The following MEI4 variants were observed in gnomAD, a reference collection of about 807,000 sequenced individuals.
MEI4 encodes meiotic double-stranded break formation protein 4.
Under a neutral mutation model 31.4 loss-of-function variants are expected in MEI4, and 27 were observed. That is an observed-to-expected ratio of 0.86 (90% CI 0.63 to 1.19). The LOEUF (loss-of-function observed/expected upper bound fraction) is 1.19, where lower values mean the gene tolerates loss of function less well. Among genes scored for constraint, MEI4 ranks in the 50% most tolerant of loss-of-function variants. The probability of loss-of-function intolerance (pLI) is 0.00; values close to 1 mark genes in which losing one functional copy is unlikely to be tolerated. For synonymous variants in MEI4, 122 were observed against 145.4 expected, an observed-to-expected ratio of 0.84 and a Z score of 1.16; for missense variants, 329 against 398.9, an observed-to-expected ratio of 0.82 and a Z score of 1.49.
At chr6:77,694,698 G>T (rs1205665566) in intron 2 of MEI4, among the ~76,000 whole-genome samples, 1 of 152,046 alleles carries the variant, frequency 6.6e-6, no homozygotes. Flanking sequence ...GTCTTTGCTA[G>T]TGTGACTAGT....
chr6:77,868,585 C>A (rs1357247994), intron 4 of MEI4, among the ~76,000 whole-genome samples: 2 of 140,276 alleles, frequency 1.4e-5, no homozygotes, highest in South Asian at 4.6e-4. Context: ...CAATAAACTC[C>A]CCTATTGATT....
intron 3 of MEI4, among the ~76,000 whole-genome samples, chr6:77,798,903 T>G (rs1769163777): frequency 6.6e-6 from 1 of 151,888 alleles, no homozygotes; most frequent in Non-Finnish European, 1.5e-5. Context: ...TGTTGGACAT[T>G]TGGCTTGGTT....
intron 3 of MEI4, among the ~76,000 whole-genome samples, chr6:77,788,669 T>A (rs1444628704): frequency 1.3e-5 from 2 of 151,944 alleles, no homozygotes; most frequent in East Asian, 3.9e-4. Context: ...TCAAAGAGAA[T>A]AAAATACCTA....
At position 77,828,948 on chromosome 6, in the gene MEI4, T is replaced by C. The variant is rs1770017671; in HGVS notation, c.786T>C (p.Tyr262=). 1 of 1,232,344 alleles carries C rather than the reference T, an allele frequency of 8.1e-7. No individual in the cohort carries two copies. Among genetic ancestry groups the C allele is most frequent in the Non-Finnish European group, 1.0e-6 (1 of 987,922 alleles). 76.3% of individuals were successfully genotyped at this position (1,232,344 alleles called of 1,614,324 possible). Residue 262 remains tyrosine, a synonymous_variant, in exon 4 of 5, where the codon TAT becomes TAC. Coordinates refer to ENST00000684080, the MANE Select transcript of MEI4 (RefSeq NM_001322247.2). Reference sequence around the variant, plus strand: ...ATCTTTAGTTTCAGGTGCAGCATTATGTCTCTCAGAGTCTGGTTACCTTGG... The same window carrying C: ...ATCTTTAGTTTCAGGTGCAGCATTACGTCTCTCAGAGTCTGGTTACCTTGG... ...NHINQFQVQH[Y]VSQSLVTLGN...
At chr6:77,743,922 G>A (rs1767498963) in intron 2 of MEI4, among the ~76,000 whole-genome samples, 1 of 152,108 alleles carries the variant, frequency 6.6e-6, no homozygotes, top group East Asian at 1.9e-4. Flanking sequence ...TCTGTTAGAA[G>A]GAAAACTAAT....
rs1768505728 is a variant in MEI4, at chr6:77,778,203, AG to A, written c.768+16541del. Among the ~76,000 whole-genome samples, 4 of 152,086 alleles carry A rather than the reference AG, an allele frequency of 2.6e-5. No individual in the cohort carries two copies. In the South Asian group the frequency reaches 8.3e-4, roughly 32 times the overall value. On this transcript the variant is annotated intron_variant, in intron 3 of 4. Coordinates refer to ENST00000684080, the MANE Select transcript of MEI4 (RefSeq NM_001322247.2). ...AGAGGGAGAAAAGGGAGATTAGTAA[AG>A]GGCAAAGAAAGTCAAATTGTAGGCA... is the stretch of plus-strand genomic sequence containing the variant.
chr6:77,727,179 C>T (rs73759416), intron 2 of MEI4, among the ~76,000 whole-genome samples: 3 of 152,050 alleles, frequency 2.0e-5, no homozygotes, highest in Admixed American at 2.0e-4. Flanking sequence ...CAGAGTCCAC[C>T]TACTTGGATC....
At chr6:77,667,730 A>G (rs925599089) in intron 1 of MEI4, among the ~76,000 whole-genome samples, 1 of 152,134 alleles carries the variant, frequency 6.6e-6, no homozygotes, top group African/African-American at 2.4e-5. Context: ...GAACTGGACC[A>G]TGAAGGGTGA....
At chr6:77,775,100 C>T (rs951427790) in intron 3 of MEI4, among the ~76,000 whole-genome samples, 1 of 152,012 alleles carries the variant, frequency 6.6e-6, no homozygotes, top group Non-Finnish European at 1.5e-5. Context: ...AGAATATTTG[C>T]GACGGCATTT....
At chr6:77,775,898 G>A (rs7741967) in intron 3 of MEI4, among the ~76,000 whole-genome samples, 4,784 of 152,170 alleles carry the variant, frequency 0.031, 242 homozygotes, top group African/African-American at 0.11. Context: ...CAGGAGCAAG[G>A]TGGTATTGCA....
intron 4 of MEI4, among the ~76,000 whole-genome samples, chr6:77,880,235 T>TTTTTTTTTTTTG (rs1491534844): frequency 1.8e-4 from 9 of 51,226 alleles, no homozygotes; most frequent in African/African-American, 7.5e-4. Context: ...TTTTTGTTTG[T>TTTTTTTTTTTTG]TTTTTTTTTT....
chr6:77,759,908 C>T (rs1440604352), intron 2 of MEI4, among the ~76,000 whole-genome samples: 1 of 152,114 alleles, frequency 6.6e-6, no homozygotes, highest in African/African-American at 2.4e-5. Context: ...TGCCTCATTC[C>T]TGTTCCCACT....
intron 1 of MEI4, among the ~76,000 whole-genome samples, chr6:77,664,512 C>A (rs1212950366): frequency 1.3e-5 from 2 of 152,032 alleles, no homozygotes; most frequent in Admixed American, 6.6e-5. Context: ...ACTGTAAGCC[C>A]CACCAGGTGT....
chr6:77,696,446 C>A (rs1194558504), intron 2 of MEI4, among the ~76,000 whole-genome samples: 1 of 152,060 alleles, frequency 6.6e-6, no homozygotes. Flanking sequence ...CCCATCAATA[C>A]CTAATTTATT....
chr6:77,680,840 A>G (rs1768943689), intron 1 of MEI4, among the ~76,000 whole-genome samples: 1 of 152,176 alleles, frequency 6.6e-6, no homozygotes, highest in Admixed American at 6.5e-5. Context: ...TCCTCAATGA[A>G]ATTTAAATGA....
rs542790481 is a variant in MEI4, at chr6:77,802,303, G to T, written c.769-26628G>T. ...GACTAGGATTGCAACCCCTGCCTTT[G>T]TTTGTTTTCCATTTGCTTGGTAGAT... On this transcript the variant is annotated intron_variant, in intron 3 of 4. Transcript: ENST00000684080. Among the ~76,000 whole-genome samples, 1,405 of 151,932 alleles carry T rather than the reference G, an allele frequency of 9.2e-3. 17 individuals carry two copies. The highest frequency in any genetic ancestry group is 0.031 in the African/African-American group (1,291 of 41,490).
intron 4 of MEI4, among the ~76,000 whole-genome samples, chr6:77,864,334 C>G (rs1316317693): frequency 6.6e-6 from 1 of 152,054 alleles, no homozygotes; most frequent in Non-Finnish European, 1.5e-5. Context: ...TTCAGGAAAC[C>G]CATCTCACAT....
chr6:77,823,244 TGTGA>T (rs1769870409), intron 3 of MEI4, among the ~76,000 whole-genome samples: 1 of 152,156 alleles, frequency 6.6e-6, no homozygotes, highest in Non-Finnish European at 1.5e-5. Flanking sequence ...ATATTTTCTA[TGTGA>T]GTGAGAGCCT....
chr6:77,744,115 T>C (rs367761666), intron 2 of MEI4, among the ~76,000 whole-genome samples: 3 of 152,134 alleles, frequency 2.0e-5, no homozygotes, highest in South Asian at 4.1e-4. Flanking sequence ...CAAAGCTGGA[T>C]GGAGAATGAC....
Sources: allele counts gnomAD v4.1 joint callset (sites outside exome capture counted in the v4.1 genomes callset), GRCh38; gene constraint gnomAD v4.1.1; transcripts MANE v1.5; gene names NCBI Gene and HGNC (gene_info 2026-07-23, HGNC 2026-07-21).